Variants in PPP4R4 observed in about 807,000 individuals in gnomAD.
PPP4R4 encodes protein phosphatase 4 regulatory subunit 4, also known as serine/threonine-protein phosphatase 4 regulatory subunit 4.
In PPP4R4, 70 loss-of-function variants were observed where a neutral mutation model predicts 121.8. That is an observed-to-expected ratio of 0.57 (90% CI 0.47 to 0.70). The LOEUF is 0.70. PPP4R4 is among the 30% of genes least tolerant of loss of function. PPP4R4 has a pLI of 0.00. For missense variants in PPP4R4, 875 were observed against 1,033.6 expected (o/e 0.85, Z 2.10); for synonymous variants, 348 against 355.7 (o/e 0.98, Z 0.24).
intron 2 of PPP4R4, among the ~76,000 whole-genome samples, chr14:94,180,171 TC>T (rs1384525673): frequency 1.3e-5 from 2 of 152,182 alleles, no homozygotes; most frequent in Admixed American, 1.3e-4. Flanking sequence ...TTTCCCTACT[TC>T]CTTGCTACTT....
intron 3 of PPP4R4, among the ~76,000 whole-genome samples, chr14:94,212,029 A>T (rs1890768373): frequency 6.6e-6 from 1 of 152,352 alleles, no homozygotes; most frequent in Admixed American, 6.5e-5. Context: ...TACATATTTT[A>T]TGCAAGAAGT....
chr14:94,231,644 T>A (rs1049230381), intron 5 of PPP4R4, among the ~76,000 whole-genome samples: 11 of 152,170 alleles, frequency 7.2e-5, no homozygotes, highest in African/African-American at 1.9e-4. Flanking sequence ...CTATATTTTT[T>A]AAACTCATTT....
At chr14:94,253,622 A>G (rs1174318236) in intron 16 of PPP4R4, among the ~76,000 whole-genome samples, 1 of 152,244 alleles carries the variant, frequency 6.6e-6, no homozygotes, top group Non-Finnish European at 1.5e-5. Context: ...ATAATTTGAA[A>G]GGAAACGAAA....
intron 2 of PPP4R4, among the ~76,000 whole-genome samples, chr14:94,185,322 A>G (rs1347322385): frequency 1.3e-5 from 2 of 152,198 alleles, no homozygotes; most frequent in African/African-American, 4.8e-5. Flanking sequence ...CCTGGGCAAT[A>G]TAGCGAGACC....
rs150121312 is a variant in PPP4R4 at position 94,268,892 on chromosome 14, A to C, written c.2449+1863A>C. On this transcript the variant is annotated intron_variant, in intron 23 of 24. Coordinates refer to ENST00000304338, the MANE Select transcript of PPP4R4 (RefSeq NM_058237.2). ...TTCAAGGTGAGATTTGGGTAGCGAC[A>C]CAGAGCCAAACTATATCATGAGAGT... 2.8e-4 allele frequency among the ~76,000 whole-genome samples: 42 copies of C among 152,336 alleles called. No individual in the cohort carries two copies. In the East Asian group the frequency reaches 6.4e-3, roughly 23 times the overall value.
chr14:94,264,330 T>C (rs1443978725), intron 19 of PPP4R4, among the ~76,000 whole-genome samples: 3 of 152,038 alleles, frequency 2.0e-5, no homozygotes, highest in Non-Finnish European at 4.4e-5. Flanking sequence ...TTTTATGTTT[T>C]TAGTAGAGAT....
At chr14:94,227,702 T>A in intron 3 of PPP4R4, 1 of 1,024,078 alleles carries the variant, frequency 9.8e-7, no homozygotes, top group Non-Finnish European at 1.2e-6. Flanking sequence ...AGGACTTTAA[T>A]GACTTTAAGA....
chr14:94,197,665 T>A (rs2139420844), intron 2 of PPP4R4, among the ~76,000 whole-genome samples: 1 of 152,292 alleles, frequency 6.6e-6, no homozygotes, highest in South Asian at 2.1e-4. Flanking sequence ...ATCAAGATAA[T>A]AAGCATATCC....
chr14:94,197,774 T>C (rs1318959628), intron 2 of PPP4R4, among the ~76,000 whole-genome samples: 1 of 152,224 alleles, frequency 6.6e-6, no homozygotes, highest in Admixed American at 6.5e-5. Flanking sequence ...TAGTTCAGTT[T>C]GTATTTTCTG....
intron 2 of PPP4R4, among the ~76,000 whole-genome samples, chr14:94,208,205 A>G (rs1258961887): frequency 6.6e-6 from 1 of 152,108 alleles, no homozygotes; most frequent in Non-Finnish European, 1.5e-5. Context: ...TAGACTTAAG[A>G]CATATAAAAC....
intron 23 of PPP4R4, among the ~76,000 whole-genome samples, chr14:94,272,011 C>G (rs1894361008): frequency 6.6e-6 from 1 of 152,094 alleles, no homozygotes; most frequent in African/African-American, 2.4e-5. Flanking sequence ...TAGGAGAAAT[C>G]AAAGAACTAA....
intron 2 of PPP4R4, among the ~76,000 whole-genome samples, chr14:94,204,461 A>T (rs1652570919): frequency 6.6e-6 from 1 of 151,886 alleles, no homozygotes; most frequent in African/African-American, 2.4e-5. Flanking sequence ...TTCCACCAAT[A>T]CTGTGCAGTG....
chr14:94,263,998 C>T (rs1258640192), intron 19 of PPP4R4, among the ~76,000 whole-genome samples: 2 of 152,102 alleles, frequency 1.3e-5, no homozygotes, highest in East Asian at 3.9e-4. Flanking sequence ...TGTTGATTTT[C>T]ATGCCTATTC....
intron 11 of PPP4R4, 90 bp downstream of exon 11, chr14:94,242,498 T>C: frequency 8.1e-7 from 1 of 1,231,780 alleles, no homozygotes; most frequent in Non-Finnish European, 1.1e-6. Context: ...TTATAAGATA[T>C]AGACTGGATA....
At chr14:94,237,799 C>T (rs893731815) in intron 8 of PPP4R4, 113 bp downstream of exon 8, 1 of 1,297,700 alleles carries the variant, frequency 7.7e-7, no homozygotes, top group African/African-American at 1.5e-5. Flanking sequence ...GCCTCCCTTC[C>T]TCTCCCTCTT....
intron 19 of PPP4R4, among the ~76,000 whole-genome samples, chr14:94,262,622 AT>A (rs1332318171): frequency 6.6e-6 from 1 of 151,914 alleles, no homozygotes; most frequent in Non-Finnish European, 1.5e-5. Context: ...CAGTGTTGTA[AT>A]TTTGCTTTAA....
rs1440778179 is a variant in PPP4R4 at position 94,234,626 on chromosome 14, T to G, written c.688T>G (p.Ser230Ala). The G allele has an allele frequency of 6.2e-7, 1 of 1,609,142 alleles. No individual in the cohort carries two copies. Among genetic ancestry groups the G allele is most frequent in the Non-Finnish European group, 8.5e-7 (1 of 1,175,748 alleles). The change falls in exon 7 of 25, where the codon TCT becomes GCT. Residue 230 changes from serine to alanine, a missense_variant. Ser to Ala is a moderately conservative substitution (Grantham distance 99, BLOSUM62 1). Transcript: ENST00000304338. ...LCQDVEYEVR[S>A]CMCRQLENIA... ...TCAAGATGTAGAATATGAAGTTCGA[T>G]CTTGTATGTGTCGGCAATTAGAAAA...
intron 23 of PPP4R4, among the ~76,000 whole-genome samples, chr14:94,274,463 A>G (rs1894523491): frequency 1.3e-5 from 2 of 152,298 alleles, no homozygotes; most frequent in Admixed American, 6.5e-5. Context: ...TAAAATGGGA[A>G]AAAGGTTTGA....
chr14:94,178,971 C>A (rs1188124592), intron 2 of PPP4R4, among the ~76,000 whole-genome samples: 3 of 152,060 alleles, frequency 2.0e-5, no homozygotes, highest in Non-Finnish European at 4.4e-5. Context: ...AAAGTGTAGA[C>A]CCTGAAGGCT....
Sources: allele counts gnomAD v4.1 joint callset (sites outside exome capture counted in the v4.1 genomes callset), GRCh38; gene constraint gnomAD v4.1.1; transcripts MANE v1.5; gene names NCBI Gene and HGNC (gene_info 2026-07-23, HGNC 2026-07-21).